Variants in ITFG1 observed in about 807,000 individuals in gnomAD.
ITFG1 encodes the protein integrin alpha FG-GAP repeat containing 1.
Under a neutral mutation model 81.8 loss-of-function variants are expected in ITFG1, and 34 were observed. That is an observed-to-expected ratio of 0.42 (90% CI 0.32 to 0.55). The LOEUF is 0.55. Among genes scored for constraint, ITFG1 ranks in the 20% least tolerant of loss-of-function variants. The pLI is 0.17. For synonymous variants in ITFG1, 285 were observed against 270.6 expected, an observed-to-expected ratio of 1.05 and a Z score of -0.52; for missense variants, 672 against 755.4, an observed-to-expected ratio of 0.89 and a Z score of 1.29.
intron 5 of ITFG1, among the ~76,000 whole-genome samples, chr16:47,442,497 A>G (rs1208039420): frequency 6.6e-6 from 1 of 152,214 alleles, no homozygotes; most frequent in Non-Finnish European, 1.5e-5. Flanking sequence ...CTGACTTCAA[A>G]CTATACTACA....
chr16:47,350,777 A>C (rs1181531126), intron 8 of ITFG1, among the ~76,000 whole-genome samples: 1 of 152,166 alleles, frequency 6.6e-6, no homozygotes, highest in Non-Finnish European at 1.5e-5. Context: ...ATAATTTTAG[A>C]CCAATATCCC....
At chr16:47,429,414 A>G (rs1321032564) in intron 5 of ITFG1, among the ~76,000 whole-genome samples, 1 of 152,162 alleles carries the variant, frequency 6.6e-6, no homozygotes, top group Non-Finnish European at 1.5e-5. Context: ...ACAAGTTTTT[A>G]TGTGGACATA....
At chr16:47,426,548 A>G (rs373887258) in intron 6 of ITFG1, among the ~76,000 whole-genome samples, 1 of 149,208 alleles carries the variant, frequency 6.7e-6, no homozygotes, top group Non-Finnish European at 1.5e-5. Flanking sequence ...ACTAAAAATA[A>G]TATGTTTTCT....
intron 14 of ITFG1, among the ~76,000 whole-genome samples, chr16:47,189,226 A>T (rs1156375784): frequency 2.6e-5 from 4 of 152,186 alleles, no homozygotes. Context: ...TATATAATTC[A>T]CATACCACAA....
Position 47,258,708 on chromosome 16 carries a change from T to A in ITFG1, c.1254A>T (p.Gly418=). 6.4e-7 allele frequency: 1 copy of A among 1,554,902 alleles called. No homozygotes were observed. The highest frequency in any genetic ancestry group is 8.7e-7 in the Non-Finnish European group (1 of 1,143,852). Residue 418 remains glycine (G), a synonymous_variant, in exon 12 of 18, where the codon GGA becomes GGT. Transcript: ENST00000320640. The stretch of plus-strand genomic sequence containing the variant: ...GAATGGCAAAATCATTCTTTGTATA[T>A]CCTTTACTTAGCACTACAATGTCCA... The part of the protein sequence containing the change: ...GILDIVVLSK[G]YTKNDFAIHT...
chr16:47,420,106 C>T (rs1415210269), intron 6 of ITFG1, among the ~76,000 whole-genome samples: 2 of 152,020 alleles, frequency 1.3e-5, no homozygotes, highest in Non-Finnish European at 2.9e-5. Context: ...AAATGGTTGA[C>T]CAAGAGCATG....
intron 5 of ITFG1, among the ~76,000 whole-genome samples, chr16:47,443,306 TA>T (rs1227263530): frequency 1.3e-5 from 2 of 152,184 alleles, no homozygotes; most frequent in African/African-American, 4.8e-5. Flanking sequence ...GGTGGGAGTG[TA>T]AACTAGTTCA....
At chr16:47,348,724 T>G (rs539442470) in intron 8 of ITFG1, among the ~76,000 whole-genome samples, 17 of 152,030 alleles carry the variant, frequency 1.1e-4, no homozygotes, top group Non-Finnish European at 2.1e-4. Flanking sequence ...ACAAAGATAC[T>G]CCTTGAGAAC....
chr16:47,365,759 CTTTTT>C, intron 8 of ITFG1, 24 bp downstream of exon 8: 46 of 1,101,086 alleles, frequency 4.2e-5, no homozygotes, highest in Non-Finnish European at 4.7e-5. Context: ...AGGCAAAAGC[CTTTTT>C]TTTTTTTTTT....
intron 14 of ITFG1, among the ~76,000 whole-genome samples, chr16:47,200,122 G>A (rs1401361669): frequency 2.6e-5 from 4 of 152,140 alleles, no homozygotes; most frequent in Non-Finnish European, 5.9e-5. Context: ...AGGGGGTTGG[G>A]GACCCCTGGG....
At chr16:47,440,201 C>G (rs950615227) in intron 5 of ITFG1, among the ~76,000 whole-genome samples, 1 of 152,122 alleles carries the variant, frequency 6.6e-6, no homozygotes, top group South Asian at 2.1e-4. Context: ...CCTTAGTGAC[C>G]TACAAAGAGA....
chr16:47,324,072 C>T (rs1007610169), intron 8 of ITFG1, among the ~76,000 whole-genome samples: 7 of 151,758 alleles, frequency 4.6e-5, no homozygotes, highest in South Asian at 2.1e-4. Flanking sequence ...CTATAATGTT[C>T]GTTCATATGT....
chr16:47,329,149 T>G (rs1442532440), intron 8 of ITFG1, among the ~76,000 whole-genome samples: 1 of 152,100 alleles, frequency 6.6e-6, no homozygotes, highest in East Asian at 1.9e-4. Context: ...ACACAAAAGC[T>G]TTCATTTAAT....
At chr16:47,367,194 C>T (rs1388627993) in intron 7 of ITFG1, among the ~76,000 whole-genome samples, 1 of 152,222 alleles carries the variant, frequency 6.6e-6, no homozygotes, top group Non-Finnish European at 1.5e-5. Flanking sequence ...GGAAGGGTCA[C>T]AGAGCTTCCA....
intron 8 of ITFG1, among the ~76,000 whole-genome samples, chr16:47,326,912 T>C (rs1455968636): frequency 9.2e-5 from 14 of 152,128 alleles, no homozygotes; most frequent in South Asian, 6.2e-4. Context: ...AGGTAATTTA[T>C]AGATTCAATG....
At chr16:47,458,039 T>C (rs563367652) in intron 2 of ITFG1, among the ~76,000 whole-genome samples, 1 of 152,258 alleles carries the variant, frequency 6.6e-6, no homozygotes, top group Admixed American at 6.5e-5. Context: ...AGGGACTTTT[T>C]AAATACAGCT....
At chr16:47,314,509 T>C (rs1053534431) in intron 8 of ITFG1, among the ~76,000 whole-genome samples, 1 of 152,150 alleles carries the variant, frequency 6.6e-6, no homozygotes, top group Admixed American at 6.6e-5. Context: ...GGAATATAGA[T>C]ATCCTTTCCA....
chr16:47,170,033 C>A (rs1305117576), intron 14 of ITFG1, among the ~76,000 whole-genome samples: 1 of 152,180 alleles, frequency 6.6e-6, no homozygotes, highest in Non-Finnish European at 1.5e-5. Flanking sequence ...TGGGACAAGT[C>A]CCATTTGGTC....
At chr16:47,439,077 G>A (rs1405687657) in intron 5 of ITFG1, among the ~76,000 whole-genome samples, 5 of 152,202 alleles carry the variant, frequency 3.3e-5, no homozygotes, top group Non-Finnish European at 7.3e-5. Context: ...CTGGAAGAAA[G>A]GGTATGAGCG....
Sources: gnomAD v4.1 joint callset for allele counts (sites outside exome capture counted in the v4.1 genomes callset) on GRCh38, gnomAD v4.1.1 for gene constraint, MANE v1.5 for transcripts, NCBI Gene and HGNC (gene_info 2026-07-23, HGNC 2026-07-21) for gene names.